Variants in HIVEP3 observed in about 807,000 individuals in gnomAD.
HIVEP3 encodes transcription factor HIVEP3.
A neutral mutation model predicts 152.8 loss-of-function variants in HIVEP3; 49 were observed. The ratio of observed to expected loss-of-function variants is 0.32; its 90% CI spans 0.26 to 0.41. The LOEUF (loss-of-function observed/expected upper bound fraction) is 0.41, where lower values mean the gene tolerates loss of function less well. Among genes scored for constraint, HIVEP3 ranks in the 10% least tolerant of loss-of-function variants. The pLI is 1.00. For missense variants in HIVEP3, 2,790 were observed against 3,103.3 expected (o/e 0.90, Z 2.40); for synonymous variants, 1,269 against 1,289.0 (o/e 0.98, Z 0.33).
chr1:41,544,677 ACCT>A (rs1276634379), intron 5 of HIVEP3, among the ~76,000 whole-genome samples: 24 of 134,688 alleles, frequency 1.8e-4, no homozygotes, highest in African/African-American at 6.3e-4. Context: ...CACCACCACC[ACCT>A]CTACCACCAC....
At chr1:41,753,761 G>A (rs1417965328) in intron 1 of HIVEP3, among the ~76,000 whole-genome samples, 4 of 152,144 alleles carry the variant, frequency 2.6e-5, no homozygotes, top group Admixed American at 1.3e-4. Context: ...CTAGGTGGCC[G>A]TTCATTTTCA....
chr1:41,618,668 C>CCAGG (rs150384481), intron 3 of HIVEP3, among the ~76,000 whole-genome samples: 4,252 of 152,274 alleles, frequency 0.028, 256 homozygotes, highest in Admixed American at 0.16. Flanking sequence ...CCTGACCACC[C>CCAGG]CAGGCCCCAG....
At chr1:41,542,877 T>G (rs781391952) in intron 5 of HIVEP3, 2 of 152,644 alleles carry the variant, frequency 1.3e-5, no homozygotes, top group Non-Finnish European at 2.9e-5. Flanking sequence ...AGGATCATGG[T>G]CCAGATTAAC....
rs146525272 is a variant in HIVEP3, at chr1:41,574,036, C to A, written c.5207+1508G>T. On this transcript the variant is annotated intron_variant, in intron 5 of 8. Coordinates refer to ENST00000372583, the MANE Select transcript of HIVEP3 (RefSeq NM_024503.5). ...CCAGCTGCCTTTCTGGAGGCTCAGG[C>A]TTCCTGAGGTCTCAGAGCACCTGCC... Among the ~76,000 whole-genome samples, 1,476 of 152,252 alleles carry A rather than the reference C, an allele frequency of 9.7e-3. 25 individuals are homozygous for A. Among genetic ancestry groups the A allele is most frequent in the African/African-American group, 0.034 (1,394 of 41,550 alleles).
Position 41,633,295 on chromosome 1 carries a change from C to T in HIVEP3, c.-720-4348G>A, listed in dbSNP as rs1033387270. Among the ~76,000 whole-genome samples, 20 of 152,072 alleles carry T rather than the reference C, an allele frequency of 1.3e-4. 2 individuals are homozygous for T. In the South Asian group the frequency reaches 2.1e-3, roughly 16 times the overall value. On this transcript the variant is annotated intron_variant, in intron 2 of 8. Transcript: ENST00000372583. ...GCCAGAAAGTCCGAGGGAAAACAGA[C>T]GAGAGGGAGTGACAGGAAATCTAAT...
Position 41,821,670 on chromosome 1 carries a change from A to G in HIVEP3, c.-801+96743T>C, listed in dbSNP as rs75721960. On this transcript the variant is annotated intron_variant, in intron 1 of 8. Coordinates refer to ENST00000372583, the MANE Select transcript of HIVEP3 (RefSeq NM_024503.5). ...TTTTTACATATTGGAAAGAAGCCCT[A>G]CTTCCCTTAGTTCCCAGGCACTGTC... Among the ~76,000 whole-genome samples, 814 of 152,314 alleles carry G rather than the reference A, an allele frequency of 5.3e-3. 6 individuals are homozygous for G. Among genetic ancestry groups the G allele is most frequent in the African/African-American group, 0.019 (773 of 41,556 alleles).
intron 1 of HIVEP3, among the ~76,000 whole-genome samples, chr1:41,956,991 A>G (rs917240944): frequency 6.6e-6 from 1 of 152,184 alleles, no homozygotes; most frequent in Non-Finnish European, 1.5e-5. Flanking sequence ...AGTCAAAACT[A>G]TATGTTTATT....
chr1:41,996,860 C>T (rs1474620349), intron 1 of HIVEP3, among the ~76,000 whole-genome samples: 1 of 152,156 alleles, frequency 6.6e-6, no homozygotes, highest in Non-Finnish European at 1.5e-5. Flanking sequence ...TTGTCTTTTC[C>T]AGCCACCTGC....
chr1:41,972,017 T>G (rs1645232809), intron 1 of HIVEP3, among the ~76,000 whole-genome samples: 1 of 152,182 alleles, frequency 6.6e-6, no homozygotes, highest in Non-Finnish European at 1.5e-5. Flanking sequence ...GCCTTGATCT[T>G]GGACTTCCCA....
At chr1:41,534,934 C>A (rs536148788) in intron 5 of HIVEP3, among the ~76,000 whole-genome samples, 28 of 152,344 alleles carry the variant, frequency 1.8e-4, no homozygotes, top group African/African-American at 6.0e-4. Flanking sequence ...TGGAACTCGC[C>A]AGGTGACCTT....
At chr1:41,626,100 G>A (rs1020334389) in intron 3 of HIVEP3, among the ~76,000 whole-genome samples, 4 of 152,310 alleles carry the variant, frequency 2.6e-5, no homozygotes, top group East Asian at 1.9e-4. Context: ...TCTGAAGAGT[G>A]GCTGTGACTC....
chr1:42,028,863 G>A (rs998954482), intron 1 of HIVEP3, among the ~76,000 whole-genome samples: 3 of 152,188 alleles, frequency 2.0e-5, no homozygotes, highest in Admixed American at 1.3e-4. Context: ...TGGGGAATAT[G>A]GCAAACTCAG....
chr1:41,895,111 G>A (rs377504415), intron 1 of HIVEP3, among the ~76,000 whole-genome samples: 1 of 152,134 alleles, frequency 6.6e-6, no homozygotes, highest in African/African-American at 2.4e-5. Context: ...TTTATGAAAG[G>A]ATGGACAGGC....
intron 1 of HIVEP3, among the ~76,000 whole-genome samples, chr1:41,941,598 G>A (rs761496381): frequency 3.3e-5 from 5 of 152,132 alleles, no homozygotes; most frequent in Non-Finnish European, 5.9e-5. Flanking sequence ...TTTGCAGAAG[G>A]GGAAAAAGTG....
At chr1:41,627,984 C>A (rs1222991870) in intron 3 of HIVEP3, among the ~76,000 whole-genome samples, 1 of 149,774 alleles carries the variant, frequency 6.7e-6, no homozygotes, top group African/African-American at 2.4e-5. Flanking sequence ...GAGAAAACAT[C>A]CAAGGACTTG....
intron 1 of HIVEP3, among the ~76,000 whole-genome samples, chr1:41,965,538 G>T (rs568379718): frequency 2.0e-5 from 3 of 152,178 alleles, no homozygotes; most frequent in South Asian, 4.1e-4. Flanking sequence ...GAACATAAAT[G>T]ACCTGATGGA....
At chr1:41,693,424 T>C (rs1646226425) in intron 2 of HIVEP3, among the ~76,000 whole-genome samples, 1 of 152,228 alleles carries the variant, frequency 6.6e-6, no homozygotes, top group African/African-American at 2.4e-5. Context: ...GGGTGATGAC[T>C]CTTCACATGC....
intron 3 of HIVEP3, among the ~76,000 whole-genome samples, chr1:41,604,780 G>A (rs1401053103): frequency 1.3e-5 from 2 of 152,088 alleles, no homozygotes; most frequent in African/African-American, 4.8e-5. Flanking sequence ...AAAGTTAAAG[G>A]ATAGGCGAAA....
chr1:41,615,015 G>A (rs188676146), intron 3 of HIVEP3, among the ~76,000 whole-genome samples: 1 of 152,266 alleles, frequency 6.6e-6, no homozygotes, highest in East Asian at 1.9e-4. Context: ...GGCCAGGTGG[G>A]CCCCACCCTT....
Sources: gnomAD v4.1 joint callset for allele counts (sites outside exome capture counted in the v4.1 genomes callset) on GRCh38, gnomAD v4.1.1 for gene constraint, MANE v1.5 for transcripts, NCBI Gene and HGNC (gene_info 2026-07-23, HGNC 2026-07-21) for gene names.